The following PIK3C2B variants were observed in gnomAD, a reference collection of about 807,000 sequenced individuals.
The protein encoded by PIK3C2B is phosphatidylinositol 4-phosphate 3-kinase C2 domain-containing subunit beta.
Under a neutral mutation model 184.3 loss-of-function variants are expected in PIK3C2B, and 83 were observed. That is an observed-to-expected ratio of 0.45 (90% CI 0.38 to 0.54). PIK3C2B has a LOEUF of 0.54. Ranked by LOEUF, PIK3C2B falls within the 20% of genes least tolerant of loss-of-function variation. PIK3C2B has a pLI of 0.00. For synonymous variants in PIK3C2B, 779 were observed against 837.6 expected (o/e 0.93, Z 1.21); for missense variants, 1,736 against 2,113.5 (o/e 0.82, Z 3.50).
chr1:204,445,593 C>A (rs1422972231), intron 16 of PIK3C2B, among the ~76,000 whole-genome samples: 4 of 112,300 alleles, frequency 3.6e-5, no homozygotes, highest in Non-Finnish European at 7.9e-5. Flanking sequence ...CAGAGCAAGA[C>A]CCTGTCTCAA....
In PIK3C2B at chr1:204,481,234, AGAGGAAG is replaced by A. The variant is rs1412924109; in HGVS notation, c.-84-11355_-84-11349del. Among the ~76,000 whole-genome samples, 258 of 150,080 alleles carry A rather than the reference AGAGGAAG, an allele frequency of 1.7e-3. 2 individuals are homozygous for A. The highest frequency in any genetic ancestry group is 6.0e-3 in the African/African-American group (246 of 40,898). On this transcript the variant is annotated intron_variant, in intron 1 of 32. Coordinates refer to ENST00000684373, the MANE Select transcript of PIK3C2B (RefSeq NM_001377334.1). ...CTCACCAGCTCTCCCAGAAGAGAAGAGAGGAAGCTGGCCTAGACCCATAAGGTCACAT... is the reference window on the plus strand; with the variant it reads ...CTCACCAGCTCTCCCAGAAGAGAAGACTGGCCTAGACCCATAAGGTCACAT...
chr1:204,443,350 C>A, intron 19 of PIK3C2B, 67 bp downstream of exon 19: 2 of 1,478,070 alleles, frequency 1.4e-6, no homozygotes, highest in Non-Finnish European at 1.9e-6. Flanking sequence ...GTTCAGGATT[C>A]CTAAGAAGAA....
chr1:204,465,919 A>AG (rs1370096153), intron 2 of PIK3C2B, among the ~76,000 whole-genome samples: 3 of 152,226 alleles, frequency 2.0e-5, no homozygotes, highest in Non-Finnish European at 4.4e-5. Flanking sequence ...TGGGCAGGGG[A>AG]GGACCTGGTA....
At chr1:204,453,301 C>T (rs1451876934) in intron 12 of PIK3C2B, among the ~76,000 whole-genome samples, 2 of 152,188 alleles carry the variant, frequency 1.3e-5, no homozygotes, top group Non-Finnish European at 2.9e-5. Flanking sequence ...CTGCGGTGCC[C>T]CCATTCAAGC....
At chr1:204,440,106 G>A in intron 22 of PIK3C2B, 86 bp downstream of exon 22, 1 of 1,385,094 alleles carries the variant, frequency 7.2e-7, no homozygotes, top group Non-Finnish European at 9.9e-7. Flanking sequence ...TTTCCTGGAG[G>A]AGGACACAGT....
At chr1:204,428,093 G>T in intron 30 of PIK3C2B, 46 bp downstream of exon 30, 1 of 1,097,322 alleles carries the variant, frequency 9.1e-7, no homozygotes. Flanking sequence ...TACCCTTGGG[G>T]TAGTTCAGAG....
At chr1:204,430,921 T>C (rs532561569) in intron 28 of PIK3C2B, among the ~76,000 whole-genome samples, 36 of 152,374 alleles carry the variant, frequency 2.4e-4, no homozygotes, top group African/African-American at 8.4e-4. Flanking sequence ...CCCAAAGTGC[T>C]GGGATTACAG....
chr1:204,425,506 C>T (rs1392854740), intron 32 of PIK3C2B, 107 bp downstream of exon 32: 1 of 1,229,684 alleles, frequency 8.1e-7, no homozygotes, highest in Admixed American at 1.8e-5. Flanking sequence ...GCAAGTACAG[C>T]CATGTTCTTA....
intron 1 of PIK3C2B, among the ~76,000 whole-genome samples, chr1:204,472,257 A>G (rs1204633990): frequency 6.7e-6 from 1 of 149,066 alleles, no homozygotes; most frequent in African/African-American, 2.5e-5. Context: ...TCCACCTCCC[A>G]GGTTCATGCC....
chr1:204,470,786 A>G (rs900531609), intron 1 of PIK3C2B, among the ~76,000 whole-genome samples: 1 of 152,270 alleles, frequency 6.6e-6, no homozygotes, highest in African/African-American at 2.4e-5. Context: ...ATACAATTGA[A>G]TACTACTTGG....
chr1:204,467,790 G>C (rs1655927083), intron 2 of PIK3C2B, among the ~76,000 whole-genome samples: 1 of 129,800 alleles, frequency 7.7e-6, no homozygotes, highest in African/African-American at 2.8e-5. Context: ...AGCCAAGATA[G>C]CGCCACTGCA....
rs61762597 is a variant in PIK3C2B at position 204,458,007 on chromosome 1, G to C, written c.1567-133C>G. On this transcript the variant is annotated intron_variant, in intron 8 of 32. Coordinates refer to ENST00000684373, the MANE Select transcript of PIK3C2B (RefSeq NM_001377334.1). Reference sequence around the variant, plus strand: ...ATTCATGATCCTCAGGGGTAAATGTGCAATACATTTTATTTTCAAATATTC... The same window carrying C: ...ATTCATGATCCTCAGGGGTAAATGTCCAATACATTTTATTTTCAAATATTC... 1,661 of 702,476 alleles carry C rather than the reference G, an allele frequency of 2.4e-3. 19 individuals are homozygous for C. The highest frequency in any genetic ancestry group is 0.023 in the African/African-American group (1,243 of 53,892). The allele number at this position is 702,476 out of a possible 1,614,324, so 43.5% of individuals were successfully genotyped here. A position where few individuals can be genotyped will look rare whatever the true frequency, so the allele number is the denominator to read the frequency against.
intron 12 of PIK3C2B, 49 bp downstream of exon 12, chr1:204,454,620 G>A (rs376493104): frequency 1.2e-5 from 20 of 1,602,042 alleles, no homozygotes; most frequent in Non-Finnish European, 1.4e-5. Context: ...TTCAGAGGCT[G>A]AGCAGGTCTA....
At chr1:204,480,033 T>C (rs1274196288) in intron 1 of PIK3C2B, among the ~76,000 whole-genome samples, 1 of 152,116 alleles carries the variant, frequency 6.6e-6, no homozygotes, top group Admixed American at 6.5e-5. Context: ...GGGGCCGGGC[T>C]AACCCATCCA....
At chr1:204,466,944 G>A (rs775609957) in intron 2 of PIK3C2B, 59 of 532,440 alleles carry the variant, frequency 1.1e-4, no homozygotes, top group Non-Finnish European at 1.6e-4. Context: ...CGACGAAAGC[G>A]GGGCGGTGGT....
chr1:204,494,752 C>T lies in PIK3C2B; in HGVS notation c.-481G>A, dbSNP rs1482491347. The T allele has an allele frequency of 2.0e-5, 3 of 152,172 alleles. No homozygotes were observed. The highest frequency in any genetic ancestry group is 4.4e-5 in the Non-Finnish European group (3 of 68,016). The allele number at this position is 152,172 out of a possible 1,614,324, so 9.4% of individuals were successfully genotyped here. ...ACGGCGACGCGACGCTCGGCCAGAC[C>T]CTGCCTGGACAGGCAGGCACCCGGC... On this transcript the variant is annotated 5_prime_UTR_variant, in exon 1 of 33. Coordinates refer to ENST00000684373, the MANE Select transcript of PIK3C2B (RefSeq NM_001377334.1).
chr1:204,429,052 G>A (rs1483804956), intron 29 of PIK3C2B: 2 of 328,390 alleles, frequency 6.1e-6, no homozygotes, highest in Admixed American at 4.3e-5. Flanking sequence ...GTAAAACCCT[G>A]TCTTTACAAA....
At chr1:204,467,158 A>C (rs940125139) in intron 2 of PIK3C2B, 21 of 331,262 alleles carry the variant, frequency 6.3e-5, no homozygotes, top group Non-Finnish European at 1.3e-4. Flanking sequence ...GTGAGGGAGT[A>C]GGGGAGGCAG....
chr1:204,458,516 C>T (rs1247447566), intron 8 of PIK3C2B, among the ~76,000 whole-genome samples: 3 of 146,344 alleles, frequency 2.0e-5, no homozygotes, highest in South Asian at 2.1e-4. Context: ...TTTTTTGAGA[C>T]GGAGTCTTGC....
Sources: gnomAD v4.1 joint callset for allele counts (sites outside exome capture counted in the v4.1 genomes callset) on GRCh38, gnomAD v4.1.1 for gene constraint, MANE v1.5 for transcripts, NCBI Gene and HGNC (gene_info 2026-07-23, HGNC 2026-07-21) for gene names.